SPOCK3: variants seen among roughly 807,000 people sequenced by gnomAD.
The protein encoded by SPOCK3 is SPARC (osteonectin), cwcv and kazal like domains proteoglycan 3.
In SPOCK3, 30 loss-of-function variants were observed where a neutral mutation model predicts 56.6. The observed-to-expected ratio is 0.53, with a 90% CI of 0.40 to 0.72. The LOEUF (loss-of-function observed/expected upper bound fraction) is 0.72, where lower values mean the gene tolerates loss of function less well. Among genes scored for constraint, SPOCK3 ranks in the 30% least tolerant of loss-of-function variants. The pLI is 0.00. For synonymous variants in SPOCK3, 196 were observed against 183.3 expected, an observed-to-expected ratio of 1.07 and a Z score of -0.56; for missense variants, 527 against 530.0, an observed-to-expected ratio of 0.99 and a Z score of 0.06.
intron 2 of SPOCK3, among the ~76,000 whole-genome samples, chr4:167,227,965 A>T (rs146232489): frequency 2.1e-3 from 320 of 152,288 alleles, no homozygotes; most frequent in African/African-American, 7.0e-3. Flanking sequence ...GAAACAGAAA[A>T]GCACACTGTG....
At chr4:166,795,173 G>C (rs1445476920) in intron 6 of SPOCK3, among the ~76,000 whole-genome samples, 1 of 152,136 alleles carries the variant, frequency 6.6e-6, no homozygotes, top group African/African-American at 2.4e-5. Flanking sequence ...CCATCAGCTA[G>C]TGAATTCATG....
Position 167,170,607 on chromosome 4 carries a change from C to A in SPOCK3, c.189+63378G>T, listed in dbSNP as rs370897384. 1.7e-3 allele frequency among the ~76,000 whole-genome samples: 258 copies of A among 152,238 alleles called. 12 individuals carry two copies. The South Asian group carries it at 0.051, about 30-fold the overall frequency. ...AGCACACACGAGTCATAATATCCTG[C>A]CAAAGTCACACAGCTGGAAAGTGGC... On this transcript the variant is annotated intron_variant, in intron 2 of 10. Coordinates refer to ENST00000357545, the MANE Select transcript of SPOCK3 (RefSeq NM_001040159.2).
intron 2 of SPOCK3, among the ~76,000 whole-genome samples, chr4:167,115,799 A>G (rs944969795): frequency 1.3e-5 from 2 of 152,032 alleles, no homozygotes; most frequent in African/African-American, 4.8e-5. Context: ...GTTGTTAATA[A>G]CAGAAGTTAA....
chr4:166,994,371 C>T (rs1748129847), intron 4 of SPOCK3, among the ~76,000 whole-genome samples: 1 of 152,066 alleles, frequency 6.6e-6, no homozygotes, highest in Non-Finnish European at 1.5e-5. Context: ...GGTAACCTGT[C>T]CAAGATCACA....
At chr4:166,851,932 T>C (rs1390047259) in intron 6 of SPOCK3, among the ~76,000 whole-genome samples, 6 of 151,756 alleles carry the variant, frequency 4.0e-5, no homozygotes, top group Admixed American at 3.9e-4. Flanking sequence ...ATTAAGAAAA[T>C]GTGGCACATA....
At chr4:167,023,062 G>T (rs1751350266) in intron 3 of SPOCK3, among the ~76,000 whole-genome samples, 1 of 151,968 alleles carries the variant, frequency 6.6e-6, no homozygotes, top group South Asian at 2.1e-4. Flanking sequence ...TAGAGACTAT[G>T]CACAGGAATT....
At chr4:167,124,319 G>A (rs986100451) in intron 2 of SPOCK3, among the ~76,000 whole-genome samples, 25 of 152,126 alleles carry the variant, frequency 1.6e-4, no homozygotes, top group African/African-American at 5.8e-4. Context: ...CTACACTTCA[G>A]AGATGTCTAT....
At chr4:166,871,375 T>G (rs566870362) in intron 6 of SPOCK3, among the ~76,000 whole-genome samples, 1 of 152,214 alleles carries the variant, frequency 6.6e-6, no homozygotes, top group East Asian at 1.9e-4. Context: ...CAAAGGGTCG[T>G]CACTACTGCT....
At chr4:167,158,581 C>T (rs1239439507) in intron 2 of SPOCK3, among the ~76,000 whole-genome samples, 2 of 151,942 alleles carry the variant, frequency 1.3e-5, no homozygotes, top group African/African-American at 4.8e-5. Context: ...TTGAGAGTTT[C>T]TAAGATGTGA....
chr4:167,109,799 G>A (rs887985900), intron 2 of SPOCK3, among the ~76,000 whole-genome samples: 4 of 151,224 alleles, frequency 2.6e-5, no homozygotes, highest in Non-Finnish European at 5.9e-5. Context: ...ATATGAAGGA[G>A]CAATGAAAGC....
At chr4:167,055,612 T>C (rs1374444900) in intron 3 of SPOCK3, among the ~76,000 whole-genome samples, 3 of 152,178 alleles carry the variant, frequency 2.0e-5, no homozygotes, top group Non-Finnish European at 2.9e-5. Context: ...TACTGCGCTT[T>C]TCCAACGGGC....
chr4:166,896,690 G>T (rs752442464), intron 5 of SPOCK3, among the ~76,000 whole-genome samples: 20 of 152,128 alleles, frequency 1.3e-4, no homozygotes, highest in African/African-American at 4.3e-4. Flanking sequence ...ATTCTTTGCC[G>T]ATTGCCTTTT....
chr4:167,136,392 A>G (rs1331344925), intron 2 of SPOCK3, among the ~76,000 whole-genome samples: 1 of 152,118 alleles, frequency 6.6e-6, no homozygotes, highest in East Asian at 1.9e-4. Context: ...GCTGTGTACA[A>G]CAATAACATA....
chr4:166,893,041 T>C (rs1345626910), intron 5 of SPOCK3, among the ~76,000 whole-genome samples: 3 of 152,042 alleles, frequency 2.0e-5, no homozygotes, highest in African/African-American at 7.2e-5. Flanking sequence ...AAATTGACAT[T>C]TGAGACAATT....
chr4:167,071,968 A>G (rs1027149555), intron 2 of SPOCK3, among the ~76,000 whole-genome samples: 22 of 151,950 alleles, frequency 1.4e-4, no homozygotes, highest in African/African-American at 5.3e-4. Flanking sequence ...AATATTAAGA[A>G]TTTTCATTGT....
At chr4:166,896,567 T>C (rs1735404429) in intron 5 of SPOCK3, among the ~76,000 whole-genome samples, 1 of 152,092 alleles carries the variant, frequency 6.6e-6, no homozygotes, top group Admixed American at 6.6e-5. Flanking sequence ...GTGGCCTCCC[T>C]ATCTCTCGGT....
Position 167,203,980 on chromosome 4 carries a change from T to C in SPOCK3, c.189+30005A>G, listed in dbSNP as rs184934338. Among the ~76,000 whole-genome samples, 984 of 152,242 alleles carry C rather than the reference T, an allele frequency of 6.5e-3. 10 individuals are homozygous for C. The highest frequency in any genetic ancestry group is 0.01 in the Non-Finnish European group (686 of 68,020). On this transcript the variant is annotated intron_variant, in intron 2 of 10. Transcript: ENST00000357545. ...CTGCTTGTTTTCATTTAATACCCAT[T>C]CTTTCCTTGTGATAGTTATAGAACC...
intron 4 of SPOCK3, among the ~76,000 whole-genome samples, chr4:166,998,608 G>A (rs1345622024): frequency 6.6e-6 from 1 of 152,112 alleles, no homozygotes; most frequent in Admixed American, 6.6e-5. Flanking sequence ...GTCAAAACGA[G>A]TGTGTCTCTG....
intron 2 of SPOCK3, among the ~76,000 whole-genome samples, chr4:167,182,185 C>CT (rs999097938): frequency 4.6e-5 from 7 of 151,890 alleles, no homozygotes; most frequent in African/African-American, 9.7e-5. Context: ...AATCTGGCAA[C>CT]TTTTTTTTCC....
Sources: gnomAD v4.1 joint callset for allele counts (sites outside exome capture counted in the v4.1 genomes callset) on GRCh38, gnomAD v4.1.1 for gene constraint, MANE v1.5 for transcripts, NCBI Gene and HGNC (gene_info 2026-07-23, HGNC 2026-07-21) for gene names.